LHX9: variants seen among roughly 807,000 people sequenced by gnomAD.
LHX9 encodes the protein LIM homeobox 9, also known as LIM/homeobox protein Lhx9.
In LHX9, 9 loss-of-function variants were observed where a neutral mutation model predicts 36.5. The observed-to-expected ratio is 0.25, with a 90% CI of 0.15 to 0.43. The LOEUF (loss-of-function observed/expected upper bound fraction) is 0.43, where lower values mean the gene tolerates loss of function less well. Among genes scored for constraint, LHX9 ranks in the 20% least tolerant of loss-of-function variants. The probability of loss-of-function intolerance (pLI) is 1.00; values close to 1 mark genes in which losing one functional copy is unlikely to be tolerated. For synonymous variants in LHX9, 211 were observed against 212.1 expected, an observed-to-expected ratio of 0.99 and a Z score of 0.04; for missense variants, 464 against 526.4, an observed-to-expected ratio of 0.88 and a Z score of 1.16.
intron 4 of LHX9, 80 bp from the exon 5 acceptor site, chr1:197,928,914 GAAAAAGAA>G: frequency 7.8e-7 from 1 of 1,289,714 alleles, no homozygotes; most frequent in African/African-American, 1.6e-5. Context: ...AAGAAAGAAA[GAAAAAGAA>G]AAAAAGAAAA....
Position 197,934,536 on chromosome 1 carries a change from C to G in LHX9, c.*5277C>G, listed in dbSNP as rs1158803067. On this transcript the variant is annotated 3_prime_UTR_variant, in exon 5 of 5. Coordinates refer to ENST00000367387, the MANE Select transcript of LHX9 (RefSeq NM_020204.3). The stretch of plus-strand genomic sequence containing the variant: ...GAGTTCGTGTACTCTTGAGCTCATT[C>G]AATAGCTTTTACATTTTGTAGTCTC... The G allele has an allele frequency of 6.6e-6, 1 of 152,158 alleles. No individual in the cohort carries two copies. Among genetic ancestry groups the G allele is most frequent in the African/African-American group, 2.4e-5 (1 of 41,438 alleles). The allele number at this position is 152,158 out of a possible 1,614,324, so 9.4% of individuals were successfully genotyped here. A position where few individuals can be genotyped will look rare whatever the true frequency, so the allele number is the denominator to read the frequency against.
rs539842260 is a variant in LHX9 at position 197,925,138 on chromosome 1, A to G, written c.734-2453A>G. 1.5e-3 allele frequency among the ~76,000 whole-genome samples: 67 copies of G among 43,828 alleles called. 23 individuals are homozygous for G. Among genetic ancestry groups the G allele is most frequent in the African/African-American group, 5.9e-3 (60 of 10,210 alleles). 28.8% of individuals were successfully genotyped at this position (43,828 alleles called of 152,430 possible). On this transcript the variant is annotated intron_variant, in intron 3 of 4. Transcript: ENST00000367387. ...AAGACCCAACGAGCTATCTCCTTAC[A>G]TATTGGATTGTGTATTTTATGTGGA...
At chr1:197,916,820 G>T, upstream of LHX9, 1 of 702,340 alleles carries the variant, frequency 1.4e-6, no homozygotes, top group South Asian at 1.5e-5. Context: ...GGATGGGGAG[G>T]AGAGGAACCA....
chr1:197,915,276 A>T (rs552693405), upstream of LHX9, among the ~76,000 whole-genome samples: 70 of 152,114 alleles, frequency 4.6e-4, no homozygotes, highest in African/African-American at 1.7e-3. Flanking sequence ...GACTGAGGGG[A>T]CTTCTCAGAG....
Position 197,927,750 on chromosome 1 carries a change from A to G in LHX9, c.893A>G (p.Lys298Arg). 1.9e-6 allele frequency: 3 copies of G among 1,614,264 alleles called. No homozygotes were observed. The highest frequency in any genetic ancestry group is 2.5e-6 in the Non-Finnish European group (3 of 1,180,040). The change falls in exon 4 of 5, where the codon AAG becomes AGG. Residue 298 changes from lysine (K) to arginine (R), a missense_variant. By Grantham distance (26) the Lys-to-Arg change is conservative. Around this residue, in one of 5 missense-constraint regions of LHX9, gnomAD observed 20 missense variants for 67.0 expected, o/e 0.30. Coordinates refer to ENST00000367387, the MANE Select transcript of LHX9 (RefSeq NM_020204.3). ...CACAACCCGGATGCCAAGGACCTCA[A>G]GCAGCTTGCCCAGAAAACAGGTCTG... Reference protein sequence around the residue: ...INHNPDAKDLKQLAQKTGLTK... With the variant: ...INHNPDAKDLRQLAQKTGLTK...
In LHX9 at chr1:197,934,407, G is replaced by A. The variant is rs1376021089; in HGVS notation, c.*5148G>A. On this transcript the variant is annotated 3_prime_UTR_variant, in exon 5 of 5. Transcript: ENST00000367387. Reference sequence around the variant, plus strand: ...TCTAGGCTCTTAAAGAGAATATTAGGGATAATACTGTTGTAAAAAATAAAT... The same window carrying A: ...TCTAGGCTCTTAAAGAGAATATTAGAGATAATACTGTTGTAAAAAATAAAT... 2 of 151,970 alleles carry A rather than the reference G, an allele frequency of 1.3e-5. No individual in the cohort carries two copies. Among genetic ancestry groups the A allele is most frequent in the African/African-American group, 2.4e-5 (1 of 41,368 alleles). 9.4% of individuals were successfully genotyped at this position (151,970 alleles called of 1,614,324 possible).
Position 197,931,785 on chromosome 1 carries a change from C to T in LHX9, c.*2526C>T, listed in dbSNP as rs528927385. ...TATAAAGTAATTGCATGGAACGAAA[C>T]CTTAAATATGATTAAGATTTCATGT... On this transcript the variant is annotated 3_prime_UTR_variant, in exon 5 of 5. Coordinates refer to ENST00000367387, the MANE Select transcript of LHX9 (RefSeq NM_020204.3). The T allele has an allele frequency of 6.6e-6, 4 of 607,796 alleles. No individual in the cohort carries two copies. The Admixed American group carries it at 8.9e-5, about 14-fold the overall frequency. The allele number at this position is 607,796 out of a possible 1,614,324, so 37.7% of individuals were successfully genotyped here. A position where few individuals can be genotyped will look rare whatever the true frequency, so the allele number is the denominator to read the frequency against.
At chr1:197,912,905 G>C, upstream of LHX9, 1 of 358,774 alleles carries the variant, frequency 2.8e-6, no homozygotes. Flanking sequence ...GCTGCTGGGG[G>C]TGTCTCTTTC....
chr1:197,920,489 G>A (rs1309560895), intron 2 of LHX9, among the ~76,000 whole-genome samples: 1 of 152,198 alleles, frequency 6.6e-6, no homozygotes, highest in Non-Finnish European at 1.5e-5. Flanking sequence ...CGTCTACCGA[G>A]ACTTGATTGG....
rs551039574 is a variant in LHX9 at position 197,932,069 on chromosome 1, A to G, written c.*2810A>G. 1.7e-5 allele frequency: 14 copies of G among 824,934 alleles called. No homozygotes were observed. The African/African-American group carries it at 2.4e-4, about 14-fold the overall frequency. 51.1% of individuals were successfully genotyped at this position (824,934 alleles called of 1,614,324 possible). On this transcript the variant is annotated 3_prime_UTR_variant, in exon 5 of 5. Coordinates refer to ENST00000367387, the MANE Select transcript of LHX9 (RefSeq NM_020204.3). ...ATGATAATCATACATTAAAAAATTT[A>G]TTAAGCCAAAAAAAAAGAGAGAGAG...
intron 1 of LHX9, chr1:197,918,689 A>T (rs1341241512): frequency 3.1e-6 from 1 of 324,736 alleles, no homozygotes; most frequent in Non-Finnish European, 5.7e-6. Flanking sequence ...ACCCTTAAAC[A>T]AGCTAATCAA....
Position 197,921,436 on chromosome 1 carries a change from G to T in LHX9, c.510G>T (p.Thr170=), listed in dbSNP as rs146659273. Residue 170 remains threonine, a synonymous_variant, in exon 3 of 5, where the codon ACG becomes ACT. Transcript: ENST00000367387. The surrounding 1 kb of genome is among the most constrained non-coding windows in gnomAD (Gnocchi z 4.6). ...CCACTTGCAACAAGACTCTGACCACGGGCGACCATTTCGGCATGAAGGACA... is the reference window on the plus strand; with the variant it reads ...CCACTTGCAACAAGACTCTGACCACTGGCGACCATTTCGGCATGAAGGACA... ...TCSTCNKTLT[T]GDHFGMKDSL... is the part of the protein sequence containing the mutation. The T allele has an allele frequency of 5.9e-5, 95 of 1,614,186 alleles. No homozygotes were observed. Among genetic ancestry groups the T allele is most frequent in the Middle Eastern group, 3.3e-4 (2 of 6,062 alleles).
chr1:197,930,225 C>A lies in LHX9; in HGVS notation c.*966C>A, dbSNP rs1660289757. ...CTATATGAATAATGTTTAAAATACCCAGCCTGGTAGACTTATACCAACAAT... is the reference window on the plus strand; with the variant it reads ...CTATATGAATAATGTTTAAAATACCAAGCCTGGTAGACTTATACCAACAAT... On this transcript the variant is annotated 3_prime_UTR_variant, in exon 5 of 5. Transcript: ENST00000367387. 4.2e-6 allele frequency: 1 copy of A among 237,506 alleles called. No homozygotes were observed. Among genetic ancestry groups the A allele is most frequent in the Non-Finnish European group, 6.8e-6 (1 of 146,418 alleles). 14.7% of individuals were successfully genotyped at this position (237,506 alleles called of 1,614,324 possible).
chr1:197,921,566 C>G lies in LHX9; in HGVS notation c.640C>G (p.Pro214Ala). Residue 214 changes from proline to alanine, a missense_variant, in exon 3 of 5, where the codon CCT becomes GCT. Coordinates refer to ENST00000367387, the MANE Select transcript of LHX9 (RefSeq NM_020204.3). The surrounding 1 kb of genome is among the most constrained non-coding windows in gnomAD (Gnocchi z 4.6). ...GGCCAAGAGCGGCGGCCTGGCCCTG[C>G]CTTACTTCAACGGTACGGGCACCGT... ...LAAKSGGLAL[P>A]YFNGTGTVQK... 6.2e-7 allele frequency: 1 copy of G among 1,612,958 alleles called. No individual in the cohort carries two copies.
Position 197,930,011 on chromosome 1 carries a change from C to T in LHX9, c.*752C>T. 1 of 982,872 alleles carries T rather than the reference C, an allele frequency of 1.0e-6. No homozygotes were observed. Among genetic ancestry groups the T allele is most frequent in the Non-Finnish European group, 1.2e-6 (1 of 827,466 alleles). The allele number at this position is 982,872 out of a possible 1,614,324, so 60.9% of individuals were successfully genotyped here. A position where few individuals can be genotyped will look rare whatever the true frequency, so the allele number is the denominator to read the frequency against. On this transcript the variant is annotated 3_prime_UTR_variant, in exon 5 of 5. Coordinates refer to ENST00000367387, the MANE Select transcript of LHX9 (RefSeq NM_020204.3). ...CATGAAAATTCCGCATTGATTTTGA[C>T]ATTCCATACTTTTAACCTCCTAAAG...
chr1:197,922,065 AG>A (rs913965861), intron 3 of LHX9, among the ~76,000 whole-genome samples: 4 of 151,686 alleles, frequency 2.6e-5, no homozygotes, highest in African/African-American at 9.7e-5. Flanking sequence ...AAAAAAAAAA[AG>A]TCTACAGAGC....
Position 197,917,915 on chromosome 1 carries a change from A to C in LHX9, c.92A>C (p.Gln31Pro). The change falls in exon 1 of 5, where the codon CAA becomes CCA. Residue 31 changes from glutamine (Q) to proline (P), a missense_variant. Transcript: ENST00000367387. The part of the protein sequence containing the change: ...LFHGISGGHI[Q>P]GIMEEMERRS... ...CACGGGATCTCCGGAGGCCACATCC[A>C]AGGCATCATGGAGGAGATGGAGCGC... The C allele has an allele frequency of 6.2e-7, 1 of 1,614,158 alleles. No homozygotes were observed. The highest frequency in any genetic ancestry group is 1.1e-5 in the South Asian group (1 of 91,084).
chr1:197,932,101 T>A lies in LHX9; in HGVS notation c.*2842T>A. On this transcript the variant is annotated 3_prime_UTR_variant, in exon 5 of 5. Coordinates refer to ENST00000367387, the MANE Select transcript of LHX9 (RefSeq NM_020204.3). Reference sequence around the variant, plus strand: ...CAAAAAAAAAGAGAGAGAGAGAGACTTAAATGTCATTTACTGAATGTTAAC... The same window carrying A: ...CAAAAAAAAAGAGAGAGAGAGAGACATAAATGTCATTTACTGAATGTTAAC... The A allele has an allele frequency of 1.2e-5, 7 of 601,932 alleles. No homozygotes were observed. Among genetic ancestry groups the A allele is most frequent in the Middle Eastern group, 3.8e-4 (1 of 2,660 alleles). 37.3% of individuals were successfully genotyped at this position (601,932 alleles called of 1,614,324 possible).
In LHX9 at chr1:197,932,247, A is replaced by G. The variant is rs1458736391; in HGVS notation, c.*2988A>G. On this transcript the variant is annotated 3_prime_UTR_variant, in exon 5 of 5. Coordinates refer to ENST00000367387, the MANE Select transcript of LHX9 (RefSeq NM_020204.3). Reference sequence around the variant, plus strand: ...CCTGGCAGTAATATGCCCACCCCATATTTGAAAAAAATTATTATTGAAAAA... The same window carrying G: ...CCTGGCAGTAATATGCCCACCCCATGTTTGAAAAAAATTATTATTGAAAAA... 1 of 313,548 alleles carries G rather than the reference A, an allele frequency of 3.2e-6. No homozygotes were observed. The highest frequency in any genetic ancestry group is 2.1e-5 in the African/African-American group (1 of 46,912). The allele number at this position is 313,548 out of a possible 1,614,324, so 19.4% of individuals were successfully genotyped here.
Sources: allele counts gnomAD v4.1 joint callset (sites outside exome capture counted in the v4.1 genomes callset), GRCh38; gene constraint gnomAD v4.1.1; regional missense constraint gnomAD v4.1.1; non-coding constraint Gnocchi (gnomAD v3.1); transcripts MANE v1.5; gene names NCBI Gene and HGNC (gene_info 2026-07-23, HGNC 2026-07-21).